Variants in INPP4B observed in about 807,000 individuals in gnomAD.
The protein encoded by INPP4B is inositol polyphosphate-4-phosphatase type II B.
INPP4B carries 55 observed loss-of-function variants against 122.5 expected under a neutral mutation model. That is an observed-to-expected ratio of 0.45 (90% CI 0.36 to 0.56). INPP4B has a LOEUF of 0.56. INPP4B is among the 20% of genes least tolerant of loss of function. The pLI, the probability that INPP4B is intolerant of heterozygous loss-of-function variation, is 0.00. For missense variants in INPP4B, 1,000 were observed against 1,097.7 expected (o/e 0.91, Z 1.26); for synonymous variants, 403 against 388.7 (o/e 1.04, Z -0.43).
At chr4:142,572,049 G>A (rs1732949675) in intron 2 of INPP4B, among the ~76,000 whole-genome samples, 1 of 152,078 alleles carries the variant, frequency 6.6e-6, no homozygotes, top group Non-Finnish European at 1.5e-5. Flanking sequence ...GACAGCCAAT[G>A]CTAAAGATTC....
chr4:142,314,313 T>C (rs1766667844), intron 8 of INPP4B, among the ~76,000 whole-genome samples: 1 of 152,092 alleles, frequency 6.6e-6, no homozygotes, highest in Non-Finnish European at 1.5e-5. Flanking sequence ...TTCATTACAG[T>C]GTTTAAGTGG....
At chr4:142,230,762 G>A (rs938042868) in intron 12 of INPP4B, among the ~76,000 whole-genome samples, 1 of 151,648 alleles carries the variant, frequency 6.6e-6, no homozygotes, top group Non-Finnish European at 1.5e-5. Context: ...TTCACATAGT[G>A]AGCATGTATT....
chr4:142,354,969 TGTGGCTC>T (rs973239764), intron 7 of INPP4B, among the ~76,000 whole-genome samples: 27 of 151,976 alleles, frequency 1.8e-4, no homozygotes, highest in Non-Finnish European at 3.2e-4. Context: ...TCAGATAGCT[TGTGGCTC>T]GTGGCTCGAG....
chr4:142,352,686 C>T (rs1782306599), intron 7 of INPP4B, among the ~76,000 whole-genome samples: 1 of 151,826 alleles, frequency 6.6e-6, no homozygotes, highest in Admixed American at 6.6e-5. Flanking sequence ...CCTTCCACCT[C>T]TCTAATTACA....
chr4:142,632,292 T>C (rs1748139295), intron 2 of INPP4B, among the ~76,000 whole-genome samples: 2 of 152,116 alleles, frequency 1.3e-5, no homozygotes, highest in African/African-American at 2.4e-5. Flanking sequence ...TACAGCAACA[T>C]GGATGGAACT....
In INPP4B at chr4:142,302,635, G is replaced by A. The variant is rs191848749; in HGVS notation, c.503+2823C>T. 3.9e-5 allele frequency among the ~76,000 whole-genome samples: 6 copies of A among 152,118 alleles called. No individual in the cohort carries two copies. The East Asian group carries it at 1.2e-3, about 29-fold the overall frequency. ...ATAATTATCAGAGCACAAAGCACAT[G>A]GTTGGTTATTGTCATCCTTATTATC... On this transcript the variant is annotated intron_variant, in intron 9 of 25. Transcript: ENST00000262992.
At chr4:142,844,780 A>G (rs761960100) in intron 1 of INPP4B, among the ~76,000 whole-genome samples, 1 of 152,204 alleles carries the variant, frequency 6.6e-6, no homozygotes, top group Non-Finnish European at 1.5e-5. Flanking sequence ...GATTACTACC[A>G]TTTCTGGTCC....
intron 2 of INPP4B, among the ~76,000 whole-genome samples, chr4:142,598,198 C>T (rs1052753536): frequency 6.6e-4 from 101 of 152,124 alleles, no homozygotes; most frequent in African/African-American, 2.2e-3. Context: ...CTTGGTATTA[C>T]AGGGAAAGGG....
intron 3 of INPP4B, among the ~76,000 whole-genome samples, chr4:142,442,776 C>T (rs1349924720): frequency 1.3e-5 from 2 of 152,148 alleles, no homozygotes; most frequent in Non-Finnish European, 2.9e-5. Context: ...CTGTATTAGT[C>T]TGTTCTCACA....
rs79727224 is a variant in INPP4B at position 142,498,060 on chromosome 4, A to G, written c.-190-35334T>C. 7.0e-3 allele frequency among the ~76,000 whole-genome samples: 1,058 copies of G among 151,982 alleles called. 14 individuals carry two copies. The highest frequency in any genetic ancestry group is 0.024 in the African/African-American group (1,000 of 41,434). Reference sequence around the variant, plus strand: ...AGCCTTTAAAGGAACTTGAAATTATAGCACAACTACCTTATTTCAATCTTG... The same window carrying G: ...AGCCTTTAAAGGAACTTGAAATTATGGCACAACTACCTTATTTCAATCTTG... On this transcript the variant is annotated intron_variant, in intron 2 of 25. Transcript: ENST00000262992.
intron 2 of INPP4B, among the ~76,000 whole-genome samples, chr4:142,690,806 G>C (rs1760066079): frequency 6.6e-6 from 1 of 152,110 alleles, no homozygotes; most frequent in Middle Eastern, 3.4e-3. Context: ...GCAAAGCAAG[G>C]GTTTAGAAAT....
chr4:142,152,772 T>G (rs1479059889), intron 17 of INPP4B, among the ~76,000 whole-genome samples: 1 of 152,172 alleles, frequency 6.6e-6, no homozygotes, highest in Non-Finnish European at 1.5e-5. Flanking sequence ...GCATTTTTAA[T>G]GTGTATCACA....
At chr4:142,708,781 G>A (rs10009093) in intron 2 of INPP4B, among the ~76,000 whole-genome samples, 21,757 of 152,140 alleles carry the variant, frequency 0.14, 1,632 homozygotes, top group South Asian at 0.23. Context: ...TAAATGTGGC[G>A]TGAGAGGCCC....
At chr4:142,129,368 G>A (rs372802895) in intron 18 of INPP4B, among the ~76,000 whole-genome samples, 7 of 152,304 alleles carry the variant, frequency 4.6e-5, no homozygotes, top group Admixed American at 3.3e-4. Flanking sequence ...ACCCAAATAA[G>A]GGTACCTATG....
intron 2 of INPP4B, among the ~76,000 whole-genome samples, chr4:142,648,383 G>A (rs1752249142): frequency 6.6e-6 from 1 of 152,190 alleles, no homozygotes; most frequent in Non-Finnish European, 1.5e-5. Context: ...CACCCAGGAA[G>A]CACAAGGGGT....
intron 1 of INPP4B, among the ~76,000 whole-genome samples, chr4:142,775,045 T>G (rs1773645160): frequency 6.6e-6 from 1 of 152,088 alleles, no homozygotes; most frequent in South Asian, 2.1e-4. Context: ...AGAATGTCTT[T>G]CAACAGAAAT....
chr4:142,753,432 T>A (rs1186633495), intron 1 of INPP4B, among the ~76,000 whole-genome samples: 1 of 152,080 alleles, frequency 6.6e-6, no homozygotes, highest in African/African-American at 2.4e-5. Context: ...CCAAAATTGA[T>A]TTGTTGTTGA....
At chr4:142,796,692 T>C (rs1777282776) in intron 1 of INPP4B, among the ~76,000 whole-genome samples, 1 of 151,984 alleles carries the variant, frequency 6.6e-6, no homozygotes, top group African/African-American at 2.4e-5. Flanking sequence ...CTGCAGAAAC[T>C]AGACTATTGA....
intron 10 of INPP4B, among the ~76,000 whole-genome samples, chr4:142,268,140 G>A (rs774675301): frequency 3.3e-5 from 5 of 150,916 alleles, no homozygotes; most frequent in Admixed American, 6.6e-5. Context: ...TGGCTAACAC[G>A]GTGAAACCCC....
Sources: gnomAD v4.1 joint callset for allele counts (sites outside exome capture counted in the v4.1 genomes callset) on GRCh38, gnomAD v4.1.1 for gene constraint, MANE v1.5 for transcripts, NCBI Gene and HGNC (gene_info 2026-07-23, HGNC 2026-07-21) for gene names.